Variants in EFL1 observed in about 807,000 individuals in gnomAD.
EFL1 encodes elongation factor-like GTPase 1.
In EFL1, 76 loss-of-function variants were observed where a neutral mutation model predicts 126.7. That is an observed-to-expected ratio of 0.60 (90% CI 0.50 to 0.73). The LOEUF (loss-of-function observed/expected upper bound fraction) is 0.73. Ranked by LOEUF, EFL1 falls within the 30% of genes least tolerant of loss-of-function variation. The pLI is 0.00. For synonymous variants in EFL1, 410 were observed against 448.4 expected (o/e 0.91, Z 1.08); for missense variants, 1,128 against 1,343.2 (o/e 0.84, Z 2.50).
chr15:82,192,507 A>G (rs1263980634), intron 15 of EFL1, among the ~76,000 whole-genome samples: 1 of 152,190 alleles, frequency 6.6e-6, no homozygotes, highest in Non-Finnish European at 1.5e-5. Flanking sequence ...GAGCAGATTT[A>G]GCAGTGACAA....
intron 7 of EFL1, among the ~76,000 whole-genome samples, chr15:82,237,730 A>G (rs1483611974): frequency 6.9e-6 from 1 of 144,584 alleles, no homozygotes; most frequent in African/African-American, 2.6e-5. Flanking sequence ...AGCTTTACTC[A>G]TAATGGCCCA....
chr15:82,200,669 T>C (rs1468803149), intron 15 of EFL1, among the ~76,000 whole-genome samples: 1 of 152,194 alleles, frequency 6.6e-6, no homozygotes, highest in Admixed American at 6.5e-5. Context: ...CTATCTGAGC[T>C]AAACAAAAAA....
intron 15 of EFL1, among the ~76,000 whole-genome samples, chr15:82,179,861 A>AT (rs2074232065): frequency 6.6e-6 from 1 of 151,810 alleles, no homozygotes; most frequent in South Asian, 2.1e-4. Flanking sequence ...GGGTGAAACA[A>AT]TAATTCCAAA....
chr15:82,164,538 T>G (rs1409449320), intron 15 of EFL1, among the ~76,000 whole-genome samples: 1 of 152,168 alleles, frequency 6.6e-6, no homozygotes, highest in Non-Finnish European at 1.5e-5. Context: ...GGCTGATGAT[T>G]GCATGAGACT....
At chr15:82,236,836 A>G (rs1292673808) in intron 7 of EFL1, among the ~76,000 whole-genome samples, 1 of 152,240 alleles carries the variant, frequency 6.6e-6, no homozygotes, top group African/African-American at 2.4e-5. Flanking sequence ...AACTTCAGCC[A>G]AATTAAAAAC....
intron 15 of EFL1, among the ~76,000 whole-genome samples, chr15:82,199,172 T>C (rs984137242): frequency 1.3e-5 from 2 of 152,060 alleles, no homozygotes; most frequent in African/African-American, 4.8e-5. Flanking sequence ...ACAGATAAAA[T>C]TAGGGAGAGG....
intron 18 of EFL1, among the ~76,000 whole-genome samples, chr15:82,143,267 C>A (rs2073808436): frequency 6.6e-6 from 1 of 151,972 alleles, no homozygotes; most frequent in African/African-American, 2.4e-5. Context: ...TGAAAGCATG[C>A]CTATAAAATA....
At chr15:82,212,477 G>A (rs2074600586) in intron 15 of EFL1, among the ~76,000 whole-genome samples, 1 of 152,206 alleles carries the variant, frequency 6.6e-6, no homozygotes, top group African/African-American at 2.4e-5. Flanking sequence ...ATGCTTCCTA[G>A]TCATGCAGGG....
intron 15 of EFL1, among the ~76,000 whole-genome samples, chr15:82,209,669 T>A (rs546733372): frequency 1.3e-5 from 2 of 152,228 alleles, no homozygotes; most frequent in African/African-American, 2.4e-5. Context: ...GTGCTAAACA[T>A]GGTGAGGTCT....
intron 15 of EFL1, among the ~76,000 whole-genome samples, chr15:82,202,206 C>G (rs2074475635): frequency 1.3e-5 from 2 of 152,144 alleles, no homozygotes; most frequent in African/African-American, 4.8e-5. Context: ...ACATATATTG[C>G]TGGACGACGT....
intron 3 of EFL1, among the ~76,000 whole-genome samples, chr15:82,258,226 T>C (rs375668066): frequency 2.0e-5 from 3 of 152,226 alleles, no homozygotes; most frequent in African/African-American, 4.8e-5. Flanking sequence ...TTTCAACTCA[T>C]AGCTACAAAT....
At chr15:82,197,524 G>T (rs999221188) in intron 15 of EFL1, among the ~76,000 whole-genome samples, 1 of 152,108 alleles carries the variant, frequency 6.6e-6, no homozygotes, top group African/African-American at 2.4e-5. Context: ...TTGCATGGGG[G>T]TTCAGGATAT....
At chr15:82,143,686 A>C (rs953643140) in intron 18 of EFL1, among the ~76,000 whole-genome samples, 2 of 152,178 alleles carry the variant, frequency 1.3e-5, no homozygotes, top group Non-Finnish European at 2.9e-5. Context: ...AAGTTTATAG[A>C]TAATTGATGT....
At chr15:82,224,122 C>T (rs530366563) in intron 12 of EFL1, among the ~76,000 whole-genome samples, 87 of 152,204 alleles carry the variant, frequency 5.7e-4, no homozygotes, top group Non-Finnish European at 7.5e-4. Flanking sequence ...AAAATCTAGT[C>T]GAAACATGGT....
intron 14 of EFL1, among the ~76,000 whole-genome samples, chr15:82,218,118 C>A (rs1356461581): frequency 2.0e-5 from 3 of 152,090 alleles, no homozygotes; most frequent in Admixed American, 6.5e-5. Flanking sequence ...TTTGTGAGAC[C>A]CTAAGGAGAA....
Position 82,227,468 on chromosome 15 carries a change from T to C in EFL1, c.1174A>G (p.Thr392Ala), listed in dbSNP as rs1256222296. ...TCCTCACCTGCTTTCAGTGCTTGAG[T>C]TTCTGGTGGAAAAGAGTCAAAAGTT... Reference protein sequence around the residue: ...SQTFDSFPPETQALKAAFMKC... With the variant: ...SQTFDSFPPEAQALKAAFMKC... The change falls in exon 11 of 20, where the codon ACT (threonine) becomes GCT (alanine). Residue 392 changes from threonine (T) to alanine (A), a missense_variant. By Grantham distance (58) the Thr-to-Ala change is moderately conservative. Coordinates refer to ENST00000268206, the MANE Select transcript of EFL1 (RefSeq NM_024580.6). The C allele has an allele frequency of 6.2e-7, 1 of 1,614,046 alleles. No individual in the cohort carries two copies. The highest frequency in any genetic ancestry group is 1.7e-5 in the Admixed American group (1 of 60,020).
chr15:82,138,853 A>G lies in EFL1; in HGVS notation c.2990-11T>C. ...CAGCATAGACTCGACCTGTAAAACC[A>G]TAAATCTTTTAAAATCATGGATCAA... is the stretch of plus-strand genomic sequence containing the variant. On this transcript the variant is annotated splice_polypyrimidine_tract_variant and intron_variant, in intron 18 of 19. Coordinates refer to ENST00000268206, the MANE Select transcript of EFL1 (RefSeq NM_024580.6). 1.2e-6 allele frequency: 2 copies of G among 1,608,882 alleles called. No individual in the cohort carries two copies. The highest frequency in any genetic ancestry group is 1.3e-5 in the African/African-American group (1 of 74,804).
At chr15:82,249,730 C>A (rs1008185249) in intron 4 of EFL1, among the ~76,000 whole-genome samples, 3 of 151,954 alleles carry the variant, frequency 2.0e-5, no homozygotes, top group African/African-American at 7.3e-5. Flanking sequence ...ATAATATGAT[C>A]CCAATATTTG....
chr15:82,182,885 A>T (rs2141262215), intron 15 of EFL1, among the ~76,000 whole-genome samples: 1 of 152,214 alleles, frequency 6.6e-6, no homozygotes, highest in Middle Eastern at 3.4e-3. Context: ...ATGTGGTATG[A>T]AGTCAGAACA....
Sources: gnomAD v4.1 joint callset for allele counts (sites outside exome capture counted in the v4.1 genomes callset) on GRCh38, gnomAD v4.1.1 for gene constraint, MANE v1.5 for transcripts, NCBI Gene and HGNC (gene_info 2026-07-23, HGNC 2026-07-21) for gene names.